SNTB1: variants seen among roughly 807,000 people sequenced by gnomAD.
SNTB1 encodes the protein beta-1-syntrophin.
A neutral mutation model predicts 48.9 loss-of-function variants in SNTB1; 36 were observed. The observed-to-expected ratio is 0.74, with a 90% CI of 0.56 to 0.97. The LOEUF (loss-of-function observed/expected upper bound fraction) is 0.97, where lower values mean the gene tolerates loss of function less well. Among genes scored for constraint, SNTB1 ranks in the 50% least tolerant of loss-of-function variants. The probability of loss-of-function intolerance (pLI) is 0.00; values close to 1 mark genes in which losing one functional copy is unlikely to be tolerated. For synonymous variants in SNTB1, 299 were observed against 294.6 expected (o/e 1.01, Z -0.15); for missense variants, 786 against 703.4 (o/e 1.12, Z -1.33).
At chr8:120,728,778 G>A (rs553816374) in intron 1 of SNTB1, among the ~76,000 whole-genome samples, 3 of 152,172 alleles carry the variant, frequency 2.0e-5, no homozygotes, top group Non-Finnish European at 2.9e-5. Flanking sequence ...CTTAGTTATC[G>A]TGAATAATGC....
chr8:120,620,362 G>A (rs997080181), intron 3 of SNTB1, among the ~76,000 whole-genome samples: 1 of 152,106 alleles, frequency 6.6e-6, no homozygotes, highest in African/African-American at 2.4e-5. Flanking sequence ...CACAAAAAGT[G>A]AGGATTAAAT....
intron 2 of SNTB1, among the ~76,000 whole-genome samples, chr8:120,641,553 G>T (rs1268459508): frequency 6.6e-6 from 1 of 152,220 alleles, no homozygotes; most frequent in East Asian, 1.9e-4. Context: ...AAGCAGACTT[G>T]CAAACAGAGG....
At chr8:120,752,677 T>TTATCCTAAGTTAATTAGGA (rs1819241250) in intron 1 of SNTB1, among the ~76,000 whole-genome samples, 1 of 151,692 alleles carries the variant, frequency 6.6e-6, no homozygotes, top group East Asian at 1.9e-4. Flanking sequence ...CTGGAGGCCA[T>TTATCCTAAGTTAATTAGGA]TATCCTAAGT....
At chr8:120,544,159 T>G (rs1297681894) in intron 5 of SNTB1, among the ~76,000 whole-genome samples, 1 of 152,160 alleles carries the variant, frequency 6.6e-6, no homozygotes, top group Non-Finnish European at 1.5e-5. Flanking sequence ...AATGATGTTC[T>G]TTTCCCCAAT....
At chr8:120,539,066 C>T in intron 6 of SNTB1, 97 bp from the exon 7 acceptor site, 1 of 839,722 alleles carries the variant, frequency 1.2e-6, no homozygotes, top group Admixed American at 2.9e-5. Context: ...GCACTTCCTT[C>T]TTTTAAATGT....
At chr8:120,539,830 T>A (rs751072177) in intron 6 of SNTB1, among the ~76,000 whole-genome samples, 9 of 152,208 alleles carry the variant, frequency 5.9e-5, no homozygotes, top group Non-Finnish European at 1.0e-4. Flanking sequence ...CTAAATATCT[T>A]CTATCCACTA....
intron 1 of SNTB1, among the ~76,000 whole-genome samples, chr8:120,806,565 G>A (rs529726761): frequency 6.6e-6 from 1 of 152,136 alleles, no homozygotes; most frequent in Admixed American, 6.5e-5. Context: ...TATGTTATTT[G>A]TGAAATTCAC....
chr8:120,609,033 G>A (rs369313378), intron 3 of SNTB1, among the ~76,000 whole-genome samples: 2 of 152,314 alleles, frequency 1.3e-5, no homozygotes, highest in Admixed American at 6.5e-5. Flanking sequence ...CTTAAATTTA[G>A]GGGGAATGAA....
At chr8:120,595,773 G>A (rs1397176660) in intron 3 of SNTB1, among the ~76,000 whole-genome samples, 1 of 151,974 alleles carries the variant, frequency 6.6e-6, no homozygotes, top group Non-Finnish European at 1.5e-5. Context: ...AGTAAAGATG[G>A]GGTTTCTCCA....
At chr8:120,772,580 G>T (rs1819657126) in intron 1 of SNTB1, among the ~76,000 whole-genome samples, 3 of 152,118 alleles carry the variant, frequency 2.0e-5, no homozygotes, top group Non-Finnish European at 4.4e-5. Context: ...GTGTGTTTGT[G>T]TATGTGTGTA....
intron 2 of SNTB1, among the ~76,000 whole-genome samples, chr8:120,635,233 A>G (rs999500440): frequency 6.6e-6 from 1 of 152,192 alleles, no homozygotes; most frequent in Non-Finnish European, 1.5e-5. Flanking sequence ...ATCTAAGGTG[A>G]GAGTTTCCAT....
At chr8:120,703,196 C>T (rs1818332762) in intron 1 of SNTB1, among the ~76,000 whole-genome samples, 1 of 152,218 alleles carries the variant, frequency 6.6e-6, no homozygotes, top group Non-Finnish European at 1.5e-5. Flanking sequence ...ATGATCTTGG[C>T]TCACTGCAAC....
chr8:120,677,074 A>C (rs551635653), intron 2 of SNTB1, among the ~76,000 whole-genome samples: 2 of 151,954 alleles, frequency 1.3e-5, no homozygotes, highest in Admixed American at 1.3e-4. Flanking sequence ...AAAAAAAAAA[A>C]AAAAACTTTA....
chr8:120,597,519 G>C (rs776617498), intron 3 of SNTB1, among the ~76,000 whole-genome samples: 2 of 152,364 alleles, frequency 1.3e-5, no homozygotes, highest in Non-Finnish European at 2.9e-5. Context: ...TAGGACAGCA[G>C]TTTTTAGGAG....
chr8:120,580,312 C>T (rs1367944556), intron 3 of SNTB1, among the ~76,000 whole-genome samples: 9 of 152,234 alleles, frequency 5.9e-5, no homozygotes, highest in Admixed American at 5.9e-4. Flanking sequence ...TCTTCAAAAT[C>T]TGGCTTTGCC....
At chr8:120,682,995 C>T (rs1817961321) in intron 2 of SNTB1, among the ~76,000 whole-genome samples, 1 of 150,966 alleles carries the variant, frequency 6.6e-6, no homozygotes, top group Non-Finnish European at 1.5e-5. Context: ...CATTCTCCTG[C>T]CTCAGCCTCC....
chr8:120,623,502 T>G (rs1241153517), intron 3 of SNTB1, among the ~76,000 whole-genome samples: 1 of 152,240 alleles, frequency 6.6e-6, no homozygotes, highest in Non-Finnish European at 1.5e-5. Context: ...CTCCTATTAC[T>G]GCAAAATATG....
chr8:120,653,812 G>A (rs938131263), intron 2 of SNTB1, among the ~76,000 whole-genome samples: 5 of 151,726 alleles, frequency 3.3e-5, no homozygotes, highest in Admixed American at 3.3e-4. Context: ...GGCCGAGGCG[G>A]GCGGATCACA....
intron 2 of SNTB1, among the ~76,000 whole-genome samples, chr8:120,685,135 G>A (rs1818007841): frequency 6.6e-6 from 1 of 152,198 alleles, no homozygotes; most frequent in South Asian, 2.1e-4. Context: ...AACTCTCCCA[G>A]GCAGGAGTTG....
Sources: gnomAD v4.1 joint callset for allele counts (sites outside exome capture counted in the v4.1 genomes callset) on GRCh38, gnomAD v4.1.1 for gene constraint, MANE v1.5 for transcripts, NCBI Gene and HGNC (gene_info 2026-07-23, HGNC 2026-07-21) for gene names.